The following SORCS2 variants were observed in gnomAD, a reference collection of about 807,000 sequenced individuals.
SORCS2 encodes sortilin related VPS10 domain containing receptor 2.
In SORCS2, 100 loss-of-function variants were observed where a neutral mutation model predicts 141.6. The ratio of observed to expected loss-of-function variants is 0.71; its 90% CI spans 0.60 to 0.83. SORCS2 has a LOEUF of 0.83. Among genes scored for constraint, SORCS2 ranks in the 40% least tolerant of loss-of-function variants. The probability of loss-of-function intolerance (pLI) is 0.00; values close to 1 mark genes in which losing one functional copy is unlikely to be tolerated. For missense variants in SORCS2, 1,646 were observed against 1,560.2 expected, an observed-to-expected ratio of 1.05 and a Z score of -0.93; for synonymous variants, 789 against 676.9, an observed-to-expected ratio of 1.17 and a Z score of -2.57.
At chr4:7,253,012 T>G (rs1320278208) in intron 1 of SORCS2, among the ~76,000 whole-genome samples, 4 of 152,244 alleles carry the variant, frequency 2.6e-5, no homozygotes, top group Non-Finnish European at 5.9e-5. Flanking sequence ...GGCCACAGCT[T>G]GGACCCCTGA....
intron 2 of SORCS2, among the ~76,000 whole-genome samples, chr4:7,416,062 G>A (rs536897229): frequency 4.6e-4 from 70 of 152,346 alleles, no homozygotes; most frequent in African/African-American, 1.5e-3. Flanking sequence ...AAAGCGTTAG[G>A]TGGGAGGAGG....
At chr4:7,435,323 G>A (rs1560283123) in intron 2 of SORCS2, among the ~76,000 whole-genome samples, 1 of 152,148 alleles carries the variant, frequency 6.6e-6, no homozygotes, top group Admixed American at 6.5e-5. Context: ...CCCCCATTCT[G>A]GGAGGTACGG....
At chr4:7,301,285 C>T (rs192656884) in intron 1 of SORCS2, among the ~76,000 whole-genome samples, 14 of 152,170 alleles carry the variant, frequency 9.2e-5, no homozygotes, top group East Asian at 1.9e-4. Flanking sequence ...CAGCAGCTAT[C>T]GAAACAGAAA....
intron 1 of SORCS2, among the ~76,000 whole-genome samples, chr4:7,282,496 A>G (rs1358390012): frequency 1.3e-5 from 2 of 152,210 alleles, no homozygotes; most frequent in Non-Finnish European, 2.9e-5. Flanking sequence ...TTTGTGCCAT[A>G]TGCTGTTCTG....
At chr4:7,628,057 T>C (rs1379323927) in intron 3 of SORCS2, among the ~76,000 whole-genome samples, 1 of 152,228 alleles carries the variant, frequency 6.6e-6, no homozygotes, top group African/African-American at 2.4e-5. Context: ...TCCACTCTTG[T>C]GCCTGTCAGC....
chr4:7,388,937 G>A (rs930325099), intron 1 of SORCS2, among the ~76,000 whole-genome samples: 34 of 152,138 alleles, frequency 2.2e-4, no homozygotes, highest in African/African-American at 8.2e-4. Flanking sequence ...AAGGACTTTA[G>A]GCATCCCTCA....
intron 10 of SORCS2, among the ~76,000 whole-genome samples, chr4:7,688,397 A>T (rs1237031318): frequency 6.6e-6 from 1 of 152,210 alleles, no homozygotes; most frequent in Non-Finnish European, 1.5e-5. Flanking sequence ...TCTAAGCTGG[A>T]GATTTTTAAC....
chr4:7,692,084 C>T (rs1357997049), intron 11 of SORCS2, among the ~76,000 whole-genome samples: 1 of 152,188 alleles, frequency 6.6e-6, no homozygotes, highest in African/African-American at 2.4e-5. Flanking sequence ...GAAGGTGGAG[C>T]CAGGCATGCA....
intron 2 of SORCS2, among the ~76,000 whole-genome samples, chr4:7,466,166 G>A (rs1729603546): frequency 6.6e-6 from 1 of 152,246 alleles, no homozygotes; most frequent in African/African-American, 2.4e-5. Context: ...ACCAAAAGGT[G>A]TTTCCTGGTC....
In SORCS2 at chr4:7,672,280, G is replaced by A. The variant is rs138713015; in HGVS notation, c.1162-3770G>A. ...CTCTTAAGAGAGAATCTTGAAAGCA[G>A]CAAGAGAGAAATGACTTATTACATA... On this transcript the variant is annotated intron_variant, in intron 8 of 26. Transcript: ENST00000507866. Among the ~76,000 whole-genome samples the A allele has an allele frequency of 2.3e-3, 346 of 152,244 alleles. 2 individuals are homozygous for A. The highest frequency in any genetic ancestry group is 8.1e-3 in the African/African-American group (337 of 41,532).
intron 1 of SORCS2, among the ~76,000 whole-genome samples, chr4:7,231,154 C>A (rs530821769): frequency 6.6e-6 from 1 of 152,294 alleles, no homozygotes; most frequent in African/African-American, 2.4e-5. Context: ...AGCCAATGTC[C>A]CAGTTTGATC....
rs780454905 is a variant in SORCS2 at position 7,725,164 on chromosome 4, G to A, written c.2622G>A (p.Gln874=). ...TTTGGGTCCCCACAGCCCCCCTGCA[G>A]GCCCTCTACCTGGAGGTGGTTCCTG... ...VLFVQVNSPL[Q]ALYLEVVPVI... Residue 874 remains glutamine, a synonymous_variant, in exon 20 of 27, where the codon CAG becomes CAA. Coordinates refer to ENST00000507866, the MANE Select transcript of SORCS2 (RefSeq NM_020777.3). The A allele has an allele frequency of 1.2e-6, 2 of 1,613,236 alleles. No homozygotes were observed. Among genetic ancestry groups the A allele is most frequent in the African/African-American group, 1.3e-5 (1 of 75,008 alleles).
chr4:7,467,236 G>T (rs902589533), intron 2 of SORCS2, among the ~76,000 whole-genome samples: 3 of 152,184 alleles, frequency 2.0e-5, no homozygotes, highest in Non-Finnish European at 4.4e-5. Flanking sequence ...ATGGGCGAAT[G>T]ACGTGTCATC....
chr4:7,559,289 T>C (rs932070128), intron 3 of SORCS2, among the ~76,000 whole-genome samples: 12 of 152,000 alleles, frequency 7.9e-5, no homozygotes, highest in Non-Finnish European at 1.5e-4. Context: ...TCCCCACAGA[T>C]CCAACCACAC....
chr4:7,332,700 G>T (rs1238297242), intron 1 of SORCS2, among the ~76,000 whole-genome samples: 1 of 152,264 alleles, frequency 6.6e-6, no homozygotes. Flanking sequence ...CAGGGCTGGA[G>T]CCTCCAAATC....
intron 8 of SORCS2, among the ~76,000 whole-genome samples, chr4:7,674,027 G>C (rs1722949847): frequency 6.6e-6 from 1 of 152,218 alleles, no homozygotes; most frequent in Admixed American, 6.5e-5. Context: ...AGGGGGAGCT[G>C]AGGTGAGGAG....
At chr4:7,323,841 C>T (rs559622169) in intron 1 of SORCS2, among the ~76,000 whole-genome samples, 80 of 151,996 alleles carry the variant, frequency 5.3e-4, no homozygotes, top group African/African-American at 1.7e-3. Flanking sequence ...AGAACTTATT[C>T]CAAGCCCCTG....
intron 12 of SORCS2, among the ~76,000 whole-genome samples, chr4:7,700,172 A>G (rs1158749513): frequency 3.9e-5 from 6 of 152,152 alleles, no homozygotes; most frequent in African/African-American, 1.4e-4. Context: ...GGTTTCCCCA[A>G]GTTCCACTTG....
chr4:7,598,355 G>T (rs1245048988), intron 3 of SORCS2, among the ~76,000 whole-genome samples: 1 of 152,180 alleles, frequency 6.6e-6, no homozygotes, highest in African/African-American at 2.4e-5. Flanking sequence ...GAGAGGTTCC[G>T]TGCTTCTGAG....
Sources: allele counts gnomAD v4.1 joint callset (sites outside exome capture counted in the v4.1 genomes callset), GRCh38; gene constraint gnomAD v4.1.1; transcripts MANE v1.5; gene names NCBI Gene and HGNC (gene_info 2026-07-23, HGNC 2026-07-21).